Variants in PPM1E observed in about 807,000 individuals in gnomAD.
PPM1E encodes protein phosphatase 1E.
PPM1E carries 20 observed loss-of-function variants against 65.9 expected under a neutral mutation model. That is an observed-to-expected ratio of 0.30 (90% confidence interval 0.21 to 0.44). The LOEUF (loss-of-function observed/expected upper bound fraction) is 0.44, where lower values mean the gene tolerates loss of function less well. Ranked by LOEUF, PPM1E falls within the 20% of genes least tolerant of loss-of-function variation. The probability of loss-of-function intolerance (pLI) is 1.00; values close to 1 mark genes in which losing one functional copy is unlikely to be tolerated. For synonymous variants in PPM1E, 352 were observed against 374.9 expected (o/e 0.94, Z 0.70); for missense variants, 713 against 953.1 (o/e 0.75, Z 3.32).
Position 58,984,748 on chromosome 17 carries a change from CTG to C in PPM1E, c.*3719_*3720del, listed in dbSNP as rs2031639908. The C allele has an allele frequency of 6.6e-6, 1 of 152,472 alleles. No homozygotes were observed. The highest frequency in any genetic ancestry group is 1.5e-5 in the Non-Finnish European group (1 of 68,018). The allele number at this position is 152,472 out of a possible 1,614,324, so 9.4% of individuals were successfully genotyped here. ...CAAATGGTATGGTGTTGAAAAATAA[CTG>C]TTACTTCTTAAAGCAGCATTTTATC... On this transcript the variant is annotated 3_prime_UTR_variant, in exon 7 of 7. Coordinates refer to ENST00000308249, the MANE Select transcript of PPM1E (RefSeq NM_014906.5).
chr17:58,918,881 A>G (rs2051717605), intron 1 of PPM1E, among the ~76,000 whole-genome samples: 1 of 151,666 alleles, frequency 6.6e-6, no homozygotes, highest in South Asian at 2.1e-4. Flanking sequence ...TTAAAGATGC[A>G]GAATTAGCCA....
At chr17:58,760,731 A>G (rs1419205032) in intron 1 of PPM1E, among the ~76,000 whole-genome samples, 2 of 152,202 alleles carry the variant, frequency 1.3e-5, no homozygotes, top group Non-Finnish European at 2.9e-5. Context: ...ACAAATTTCA[A>G]ATGAAGATGC....
intron 2 of PPM1E, among the ~76,000 whole-genome samples, chr17:58,961,604 T>C (rs1174828385): frequency 6.6e-6 from 1 of 152,180 alleles, no homozygotes; most frequent in African/African-American, 2.4e-5. Context: ...TCTAGTGATT[T>C]ACCAATGTTA....
chr17:58,910,223 G>A (rs565190291), intron 1 of PPM1E, among the ~76,000 whole-genome samples: 1 of 151,898 alleles, frequency 6.6e-6, no homozygotes, highest in East Asian at 1.9e-4. Context: ...AGTTTTGGAG[G>A]TTTCTATTGT....
At chr17:58,969,516 C>T (rs763544653) in intron 3 of PPM1E, 23 bp from the exon 4 acceptor site, 1 of 1,612,736 alleles carries the variant, frequency 6.2e-7, no homozygotes, top group Non-Finnish European at 8.5e-7. Flanking sequence ...ACTCCCATAA[C>T]TGTTCTGTGT....
intron 1 of PPM1E, among the ~76,000 whole-genome samples, chr17:58,864,608 C>G (rs2050978815): frequency 6.6e-6 from 1 of 151,638 alleles, no homozygotes; most frequent in Admixed American, 6.6e-5. Context: ...CCACTGCACT[C>G]CAGCCTGGGC....
intron 1 of PPM1E, among the ~76,000 whole-genome samples, chr17:58,824,693 A>G (rs1322659470): frequency 6.7e-6 from 1 of 150,352 alleles, no homozygotes; most frequent in African/African-American, 2.5e-5. Flanking sequence ...GGTTCACACC[A>G]TTCTCTGGCC....
intron 1 of PPM1E, among the ~76,000 whole-genome samples, chr17:58,821,615 C>T (rs1567843777): frequency 6.6e-6 from 1 of 152,034 alleles, no homozygotes; most frequent in African/African-American, 2.4e-5. Context: ...CAGGAACTTG[C>T]CCGATATAAT....
At position 58,778,402 on chromosome 17, in the gene PPM1E, CTT is replaced by C. The variant is rs59155396; in HGVS notation, c.464+21963_464+21964del. Among the ~76,000 whole-genome samples the C allele has an allele frequency of 8.3e-3, 711 of 86,038 alleles. 4 individuals are homozygous for C. The highest frequency in any genetic ancestry group is 0.026 in the African/African-American group (620 of 23,660). The allele number at this position is 86,038 out of a possible 152,430, so 56.4% of individuals were successfully genotyped here. A position where few individuals can be genotyped will look rare whatever the true frequency, so the allele number is the denominator to read the frequency against. The stretch of plus-strand genomic sequence containing the variant: ...GACATCAGCCACTGTGGCTGGCCAT[CTT>C]TTTTTTTTTTTTTTTTTTTTTGAGA... On this transcript the variant is annotated intron_variant, in intron 1 of 6. Transcript: ENST00000308249.
chr17:58,907,176 G>A (rs1041145336), intron 1 of PPM1E, among the ~76,000 whole-genome samples: 1 of 152,044 alleles, frequency 6.6e-6, no homozygotes, highest in African/African-American at 2.4e-5. Flanking sequence ...AACCCAGGAG[G>A]CGAAGGCTGC....
At chr17:58,851,999 C>T (rs532379831) in intron 1 of PPM1E, among the ~76,000 whole-genome samples, 1 of 152,350 alleles carries the variant, frequency 6.6e-6, no homozygotes, top group African/African-American at 2.4e-5. Flanking sequence ...CTTCCTCAGC[C>T]TAGCTGCTGC....
chr17:58,849,086 G>A (rs2050799696), intron 1 of PPM1E, among the ~76,000 whole-genome samples: 1 of 152,112 alleles, frequency 6.6e-6, no homozygotes, highest in African/African-American at 2.4e-5. Flanking sequence ...ATTCTCTGAT[G>A]GTAGTTTGTA....
intron 1 of PPM1E, among the ~76,000 whole-genome samples, chr17:58,936,199 G>T (rs1222539779): frequency 6.6e-6 from 1 of 152,050 alleles, no homozygotes; most frequent in Non-Finnish European, 1.5e-5. Flanking sequence ...CTTAAATTCA[G>T]CCCCAATTTT....
At chr17:58,917,235 A>T (rs986397115) in intron 1 of PPM1E, among the ~76,000 whole-genome samples, 1 of 150,902 alleles carries the variant, frequency 6.6e-6, no homozygotes, top group Non-Finnish European at 1.5e-5. Context: ...AAAAAAAACT[A>T]TCTGTATTCA....
intron 1 of PPM1E, among the ~76,000 whole-genome samples, chr17:58,860,655 C>G (rs4132925): frequency 0.64 from 96,890 of 152,178 alleles, 31,229 homozygotes; most frequent in African/African-American, 0.71. Context: ...CTAACATACT[C>G]GCTTTAGGCC....
intron 1 of PPM1E, among the ~76,000 whole-genome samples, chr17:58,769,665 A>G (rs1055841882): frequency 1.3e-5 from 2 of 152,116 alleles, no homozygotes; most frequent in African/African-American, 4.8e-5. Flanking sequence ...TTAGTTTGCA[A>G]TCTGTATTAA....
chr17:58,829,170 G>A (rs190961670), intron 1 of PPM1E, among the ~76,000 whole-genome samples: 1 of 151,910 alleles, frequency 6.6e-6, no homozygotes, highest in East Asian at 2.0e-4. Flanking sequence ...AGTCTCCTGA[G>A]TAGCTGGGAT....
chr17:58,923,261 G>T (rs1320984054), intron 1 of PPM1E, among the ~76,000 whole-genome samples: 1 of 148,768 alleles, frequency 6.7e-6, no homozygotes, highest in African/African-American at 2.5e-5. Flanking sequence ...CTCCTATCTG[G>T]GTGACAGAGT....
At chr17:58,844,700 T>TA (rs2050754426) in intron 1 of PPM1E, among the ~76,000 whole-genome samples, 1 of 152,220 alleles carries the variant, frequency 6.6e-6, no homozygotes, top group Non-Finnish European at 1.5e-5. Context: ...GTCTTCTACT[T>TA]AGAGTCTTTT....
Sources: gnomAD v4.1 joint callset for allele counts (sites outside exome capture counted in the v4.1 genomes callset) on GRCh38, gnomAD v4.1.1 for gene constraint, MANE v1.5 for transcripts, NCBI Gene and HGNC (gene_info 2026-07-23, HGNC 2026-07-21) for gene names.